PDE1A: variants seen among roughly 807,000 people sequenced by gnomAD.
PDE1A encodes dual specificity calcium/calmodulin-dependent 3',5'-cyclic nucleotide phosphodiesterase 1A.
In PDE1A, 35 loss-of-function variants were observed where a neutral mutation model predicts 61.7. The observed-to-expected ratio is 0.57, with a 90% CI of 0.43 to 0.75. The LOEUF is 0.75. Ranked by LOEUF, PDE1A falls within the 30% of genes least tolerant of loss-of-function variation. The pLI, the probability that PDE1A is intolerant of heterozygous loss-of-function variation, is 0.00. For synonymous variants in PDE1A, 232 were observed against 213.2 expected (o/e 1.09, Z -0.77); for missense variants, 597 against 630.6 (o/e 0.95, Z 0.57).
At chr2:182,533,054 G>A in the PDE1A span, among the ~76,000 whole-genome samples, 2 of 151,162 alleles carry the variant, frequency 1.3e-5, no homozygotes, top group South Asian at 2.1e-4. Flanking sequence ...GCTCAGTCCT[G>A]TAAACCCAGC....
chr2:182,201,285 T>C (rs765557825), intron 10 of PDE1A, among the ~76,000 whole-genome samples, 154 bp downstream of exon 10: 3 of 152,166 alleles, frequency 2.0e-5, no homozygotes, highest in African/African-American at 7.2e-5. Flanking sequence ...ACCTTTCTGA[T>C]AGACTAATAA....
the PDE1A span, among the ~76,000 whole-genome samples, chr2:182,621,735 A>G: frequency 6.6e-6 from 1 of 152,292 alleles, no homozygotes; most frequent in African/African-American, 2.4e-5. Context: ...TAACATTTAT[A>G]CAATTCCTGA....
At chr2:182,257,997 C>G (rs543108873) in intron 2 of PDE1A, among the ~76,000 whole-genome samples, 24 of 152,158 alleles carry the variant, frequency 1.6e-4, no homozygotes, top group African/African-American at 5.5e-4. Flanking sequence ...GAAACCCCAT[C>G]TCTAGTAAAA....
the PDE1A span, among the ~76,000 whole-genome samples, chr2:182,624,206 C>A: frequency 6.6e-6 from 1 of 151,814 alleles, no homozygotes; most frequent in South Asian, 2.1e-4. Flanking sequence ...TAAATGCCTG[C>A]TCAATATCAG....
intron 10 of PDE1A, among the ~76,000 whole-genome samples, chr2:182,191,278 A>G (rs1479379531): frequency 6.6e-6 from 1 of 152,114 alleles, no homozygotes; most frequent in Non-Finnish European, 1.5e-5. Flanking sequence ...TGATGCCACT[A>G]ATGGAAACCA....
intron 10 of PDE1A, among the ~76,000 whole-genome samples, chr2:182,193,972 AT>A (rs1685925479): frequency 6.6e-6 from 1 of 152,164 alleles, no homozygotes; most frequent in Non-Finnish European, 1.5e-5. Context: ...AATGAAATTT[AT>A]TTTGAAATAA....
chr2:182,560,085 T>A, the PDE1A span, among the ~76,000 whole-genome samples: 3 of 151,620 alleles, frequency 2.0e-5, no homozygotes, highest in Non-Finnish European at 2.9e-5. Context: ...TTTTATACTT[T>A]AAGTTTTAGG....
intron 11 of PDE1A, among the ~76,000 whole-genome samples, chr2:182,187,175 G>C (rs1271674843): frequency 6.6e-6 from 1 of 152,230 alleles, no homozygotes; most frequent in Non-Finnish European, 1.5e-5. Flanking sequence ...GCATGTGTGT[G>C]TGTTCTGTCA....
At chr2:182,577,979 A>AGGAAGGAAGGAAGGAC in the PDE1A span, among the ~76,000 whole-genome samples, 1 of 147,636 alleles carries the variant, frequency 6.8e-6, no homozygotes, top group East Asian at 2.0e-4. Context: ...GAAGGAAGGA[A>AGGAAGGAAGGAAGGAC]GGAAGGAAGG....
chr2:182,408,206 G>T (rs1027365249), intron 1 of PDE1A, among the ~76,000 whole-genome samples: 21 of 149,384 alleles, frequency 1.4e-4, no homozygotes, highest in Non-Finnish European at 3.0e-4. Flanking sequence ...AAAAGCAGTG[G>T]CTACCTAAAT....
chr2:182,708,226 G>C, the PDE1A span, among the ~76,000 whole-genome samples: 50 of 151,996 alleles, frequency 3.3e-4, no homozygotes, highest in Non-Finnish European at 6.3e-4. Flanking sequence ...TTTGCAACCT[G>C]CCCCCATGAT....
At chr2:182,418,354 T>C (rs1703051202) in intron 1 of PDE1A, among the ~76,000 whole-genome samples, 2 of 152,110 alleles carry the variant, frequency 1.3e-5, no homozygotes, top group South Asian at 2.1e-4. Flanking sequence ...AGGTGAAACG[T>C]TTTTACTTTT....
At chr2:182,300,775 G>A (rs967478283) in intron 1 of PDE1A, among the ~76,000 whole-genome samples, 1 of 152,168 alleles carries the variant, frequency 6.6e-6, no homozygotes, top group Non-Finnish European at 1.5e-5. Flanking sequence ...CGTCTAGTAG[G>A]ACAAGTTGTT....
At chr2:182,226,741 G>A (rs574935414) in intron 6 of PDE1A, among the ~76,000 whole-genome samples, 4 of 149,982 alleles carry the variant, frequency 2.7e-5, no homozygotes, top group Admixed American at 2.0e-4. Flanking sequence ...AAAGGGTTAA[G>A]AGGATAAATC....
At chr2:182,568,449 C>T in the PDE1A span, among the ~76,000 whole-genome samples, 8 of 152,194 alleles carry the variant, frequency 5.3e-5, no homozygotes, top group South Asian at 2.1e-4. Context: ...GAGGCCAAGG[C>T]GGGCAGATCA....
At chr2:182,640,442 A>G in the PDE1A span, among the ~76,000 whole-genome samples, 1 of 152,216 alleles carries the variant, frequency 6.6e-6, no homozygotes, top group Non-Finnish European at 1.5e-5. Flanking sequence ...GTAGAAAGTA[A>G]ATAAATATTC....
At chr2:182,691,386 A>C in the PDE1A span, among the ~76,000 whole-genome samples, 1 of 152,164 alleles carries the variant, frequency 6.6e-6, no homozygotes, top group Non-Finnish European at 1.5e-5. Flanking sequence ...CACATCTACA[A>C]CCGTCTGATC....
the PDE1A span, among the ~76,000 whole-genome samples, chr2:182,544,895 CT>C: frequency 6.6e-6 from 1 of 152,050 alleles, no homozygotes; most frequent in Non-Finnish European, 1.5e-5. Flanking sequence ...GGTAAAATTA[CT>C]GTAAAAGTTG....
the PDE1A span, among the ~76,000 whole-genome samples, chr2:182,692,646 T>C: frequency 4.3e-4 from 64 of 149,968 alleles, no homozygotes; most frequent in African/African-American, 1.5e-3. Flanking sequence ...TGTGCACATA[T>C]ACCCTAGAAC....
Sources: gnomAD v4.1 joint callset for allele counts (sites outside exome capture counted in the v4.1 genomes callset) on GRCh38, gnomAD v4.1.1 for gene constraint, MANE v1.5 for transcripts, NCBI Gene and HGNC (gene_info 2026-07-23, HGNC 2026-07-21) for gene names.